Variants in WARS2 observed in about 807,000 individuals in gnomAD.
WARS2 encodes the protein tryptophan--tRNA ligase, mitochondrial.
WARS2 carries 28 observed loss-of-function variants against 36.5 expected under a neutral mutation model. That is an observed-to-expected ratio of 0.77 (90% CI 0.57 to 1.05). The LOEUF is 1.05. WARS2 is among the 50% of genes least tolerant of loss of function. The pLI is 0.00. For synonymous variants in WARS2, 174 were observed against 178.4 expected (o/e 0.98, Z 0.20); for missense variants, 435 against 456.8 (o/e 0.95, Z 0.44).
intron 2 of WARS2, among the ~76,000 whole-genome samples, chr1:119,073,996 C>T (rs1330339952): frequency 6.6e-6 from 1 of 152,172 alleles, no homozygotes; most frequent in Non-Finnish European, 1.5e-5. Context: ...GGAGATTAGA[C>T]ATTCATCTAC....
Position 119,031,454 on chromosome 1 carries a change from C to T in WARS2, c.*1457G>A, listed in dbSNP as rs902980921. ...TTTTAATTTGGAATCTGGGATGGGGCGTTTTGTGGATTAACATGTGTTCTG... is the reference window on the plus strand; with the variant it reads ...TTTTAATTTGGAATCTGGGATGGGGTGTTTTGTGGATTAACATGTGTTCTG... On this transcript the variant is annotated 3_prime_UTR_variant, in exon 6 of 6. Coordinates refer to ENST00000235521, the MANE Select transcript of WARS2 (RefSeq NM_015836.4). 1 of 152,074 alleles carries T rather than the reference C, an allele frequency of 6.6e-6. No homozygotes were observed. Among genetic ancestry groups the T allele is most frequent in the Admixed American group, 6.5e-5 (1 of 15,270 alleles). The allele number at this position is 152,074 out of a possible 1,614,324, so 9.4% of individuals were successfully genotyped here.
intron 1 of WARS2, among the ~76,000 whole-genome samples, chr1:119,129,811 G>A (rs1336311413): frequency 6.6e-6 from 1 of 152,126 alleles, no homozygotes; most frequent in Non-Finnish European, 1.5e-5. Flanking sequence ...AACATGTAAT[G>A]ACAATTTGGT....
At chr1:119,090,302 A>C (rs768855028) in intron 1 of WARS2, among the ~76,000 whole-genome samples, 2 of 152,110 alleles carry the variant, frequency 1.3e-5, no homozygotes, top group Non-Finnish European at 2.9e-5. Flanking sequence ...CTAGAGTCAG[A>C]CATGTGAGTC....
At chr1:119,036,594 C>T (rs1557932098) in intron 4 of WARS2, among the ~76,000 whole-genome samples, 1 of 152,160 alleles carries the variant, frequency 6.6e-6, no homozygotes, top group Non-Finnish European at 1.5e-5. Context: ...GCAACCAACA[C>T]AGAAAAAACA....
intron 2 of WARS2, among the ~76,000 whole-genome samples, chr1:119,050,197 A>G (rs1649225368): frequency 6.6e-6 from 1 of 152,130 alleles, no homozygotes; most frequent in African/African-American, 2.4e-5. Context: ...ACACTCTTAC[A>G]TTAAGGGCTT....
intron 2 of WARS2, among the ~76,000 whole-genome samples, chr1:119,049,532 T>G (rs544098448): frequency 6.6e-6 from 1 of 152,336 alleles, no homozygotes; most frequent in South Asian, 2.1e-4. Flanking sequence ...CAGTCAGACC[T>G]TGCTGATGAC....
At chr1:119,057,903 A>T (rs2101191130) in intron 2 of WARS2, among the ~76,000 whole-genome samples, 1 of 152,288 alleles carries the variant, frequency 6.6e-6, no homozygotes, top group Middle Eastern at 3.4e-3. Context: ...CTCCCACTTT[A>T]TGGGTTACCT....
intron 2 of WARS2, among the ~76,000 whole-genome samples, chr1:119,071,617 C>T (rs1055764942): frequency 4.6e-5 from 7 of 152,160 alleles, no homozygotes; most frequent in Admixed American, 6.5e-5. Flanking sequence ...CATAAGCTCA[C>T]GTACATGTGA....
intron 2 of WARS2, 49 bp from the exon 3 acceptor site, chr1:119,045,711 C>T (rs1178149260): frequency 6.9e-7 from 1 of 1,440,980 alleles, no homozygotes; most frequent in Non-Finnish European, 9.6e-7. Context: ...TGTTTTCTTG[C>T]ATATAAGAAG....
intron 1 of WARS2, among the ~76,000 whole-genome samples, chr1:119,111,922 GA>G (rs1343217063): frequency 6.6e-6 from 1 of 151,724 alleles, no homozygotes; most frequent in Non-Finnish European, 1.5e-5. Context: ...AGTTTGTTCA[GA>G]TTTTTTTTTT....
At chr1:119,131,336 G>C (rs1656077360) in intron 1 of WARS2, among the ~76,000 whole-genome samples, 1 of 152,110 alleles carries the variant, frequency 6.6e-6, no homozygotes, top group African/African-American at 2.4e-5. Flanking sequence ...GCATTAATAA[G>C]GAAGTAAAAG....
intron 2 of WARS2, among the ~76,000 whole-genome samples, chr1:119,072,027 A>C (rs898426572): frequency 3.3e-5 from 5 of 152,366 alleles, no homozygotes; most frequent in Middle Eastern, 3.4e-3. Context: ...AACATAAGTC[A>C]TCACCATGAT....
intron 2 of WARS2, among the ~76,000 whole-genome samples, chr1:119,066,305 C>T (rs1028881103): frequency 2.0e-5 from 3 of 151,660 alleles, no homozygotes; most frequent in Admixed American, 1.3e-4. Flanking sequence ...GGTGAAACCC[C>T]GTCTTTACTA....
intron 1 of WARS2, among the ~76,000 whole-genome samples, chr1:119,086,399 C>A (rs1437667856): frequency 6.6e-6 from 1 of 152,104 alleles, no homozygotes. Context: ...ACTAAACATG[C>A]GAGGATTAAT....
intron 1 of WARS2, among the ~76,000 whole-genome samples, chr1:119,101,299 C>T (rs763691812): frequency 2.6e-5 from 4 of 151,688 alleles, no homozygotes; most frequent in Non-Finnish European, 5.9e-5. Flanking sequence ...ACATGTATGC[C>T]ACAAATTTGT....
chr1:119,129,355 A>T (rs1038801923), intron 1 of WARS2, among the ~76,000 whole-genome samples: 2 of 152,194 alleles, frequency 1.3e-5, no homozygotes, highest in African/African-American at 4.8e-5. Context: ...TCTATGGTAT[A>T]TTGTTATAGC....
chr1:119,135,147 C>T (rs1656395557), intron 1 of WARS2, among the ~76,000 whole-genome samples: 1 of 152,220 alleles, frequency 6.6e-6, no homozygotes, highest in African/African-American at 2.4e-5. Flanking sequence ...TCAAACCACT[C>T]ATTTACGGTG....
At chr1:119,081,598 A>C (rs587666051) in intron 1 of WARS2, among the ~76,000 whole-genome samples, 2 of 152,350 alleles carry the variant, frequency 1.3e-5, no homozygotes, top group Non-Finnish European at 2.9e-5. Context: ...CAATAACATT[A>C]CCAGGTAATT....
At chr1:119,086,415 T>C (rs1652672074) in intron 1 of WARS2, among the ~76,000 whole-genome samples, 1 of 152,194 alleles carries the variant, frequency 6.6e-6, no homozygotes. Flanking sequence ...TTAATTACAC[T>C]AGTTTTAATA....
Sources: allele counts gnomAD v4.1 joint callset (sites outside exome capture counted in the v4.1 genomes callset), GRCh38; gene constraint gnomAD v4.1.1; transcripts MANE v1.5; gene names NCBI Gene and HGNC (gene_info 2026-07-23, HGNC 2026-07-21).